The following PRKCSH variants were observed in gnomAD, a reference collection of about 807,000 sequenced individuals.
PRKCSH encodes PRKCSH beta subunit of glucosidase II, also known as glucosidase 2 subunit beta.
A neutral mutation model predicts 79.7 loss-of-function variants in PRKCSH; 42 were observed. The observed-to-expected ratio is 0.53, with a 90% CI of 0.41 to 0.68. PRKCSH has a LOEUF of 0.68. Among genes scored for constraint, PRKCSH ranks in the 30% least tolerant of loss-of-function variants. The pLI is 0.00. For synonymous variants in PRKCSH, 325 were observed against 288.2 expected, an observed-to-expected ratio of 1.13 and a Z score of -1.29; for missense variants, 686 against 709.0, an observed-to-expected ratio of 0.97 and a Z score of 0.37.
At chr19:11,442,934 C>CACTTGAGGTCAG (rs1970129918) in intron 7 of PRKCSH, among the ~76,000 whole-genome samples, 1 of 152,026 alleles carries the variant, frequency 6.6e-6, no homozygotes, top group African/African-American at 2.4e-5. Flanking sequence ...GAACTCCTGA[C>CACTTGAGGTCAG]CTCAAGTGAT....
Position 11,447,189 on chromosome 19 carries a change from G to A in PRKCSH, c.849+29G>A. The A allele has an allele frequency of 6.2e-7, 1 of 1,603,132 alleles. No homozygotes were observed. The highest frequency in any genetic ancestry group is 8.5e-7 in the Non-Finnish European group (1 of 1,170,650). On this transcript the variant is annotated intron_variant, in intron 10 of 17. Coordinates refer to ENST00000677123, the MANE Select transcript of PRKCSH (RefSeq NM_001289104.2). The surrounding 1 kb of genome is among the most constrained non-coding windows in gnomAD (Gnocchi z 5.6). ...AGTGGAGGAGAAGGGAGGGGACTTG[G>A]TCCTCCCACCACACTGCCCCCACCC...
At position 11,435,879 on chromosome 19, in the gene PRKCSH, A is replaced by G. The variant is rs566070192; in HGVS notation, c.-77-162A>G. The G allele has an allele frequency of 2.3e-4, 233 of 1,012,084 alleles. 2 individuals carry two copies. The South Asian group carries it at 3.2e-3, about 14-fold the overall frequency. 62.7% of individuals were successfully genotyped at this position (1,012,084 alleles called of 1,614,324 possible). On this transcript the variant is annotated intron_variant, in intron 1 of 17. Coordinates refer to ENST00000677123, the MANE Select transcript of PRKCSH (RefSeq NM_001289104.2). ...GTTTTGAGATCTTGAGATCCTCGCCATTGATTTGAGCAAAGTGAGACTGGC... is the reference window on the plus strand; with the variant it reads ...GTTTTGAGATCTTGAGATCCTCGCCGTTGATTTGAGCAAAGTGAGACTGGC...
intron 8 of PRKCSH, 31 bp downstream of exon 8, chr19:11,445,504 T>C (rs373062061): frequency 1.2e-6 from 2 of 1,601,466 alleles, no homozygotes; most frequent in Admixed American, 3.3e-5. Flanking sequence ...GCTGCCCACC[T>C]TTCCGTGGGC....
In PRKCSH at chr19:11,437,605, G is replaced by A. The variant is rs563467633; in HGVS notation, c.197-271G>A. Among the ~76,000 whole-genome samples the A allele has an allele frequency of 2.6e-5, 4 of 152,224 alleles. No individual in the cohort carries two copies. In the East Asian group the frequency reaches 5.8e-4, roughly 22 times the overall value. On this transcript the variant is annotated intron_variant, in intron 3 of 17. Transcript: ENST00000677123. Reference sequence around the variant, plus strand: ...TCACCTCAGGTGACCCACCCGCCTCGGCCTCCCAAAGTGCTGGGATTACAG... The same window carrying A: ...TCACCTCAGGTGACCCACCCGCCTCAGCCTCCCAAAGTGCTGGGATTACAG...
At chr19:11,441,444 C>A in intron 6 of PRKCSH, 87 bp downstream of exon 6, 2 of 1,252,750 alleles carry the variant, frequency 1.6e-6, no homozygotes, top group Non-Finnish European at 2.3e-6. Flanking sequence ...GGGGTTTGCC[C>A]CTGACTGCTG....
At position 11,449,743 on chromosome 19, in the gene PRKCSH, C is replaced by G. The variant is rs1055767048; in HGVS notation, c.*16+315C>G. 1.0e-5 allele frequency: 4 copies of G among 385,048 alleles called. No homozygotes were observed. In the East Asian group the frequency reaches 2.4e-4, roughly 23 times the overall value. 23.9% of individuals were successfully genotyped at this position (385,048 alleles called of 1,614,324 possible). ...AGAGATGGGGTTTCACCATGTTGGC[C>G]TGGATGGTCTCGAACTCCTGACCTC... On this transcript the variant is annotated intron_variant, in intron 17 of 17. Coordinates refer to ENST00000677123, the MANE Select transcript of PRKCSH (RefSeq NM_001289104.2). The surrounding 1 kb of genome is among the most constrained non-coding windows in gnomAD (Gnocchi z 6.4).
intron 7 of PRKCSH, among the ~76,000 whole-genome samples, chr19:11,444,807 A>G (rs1214936482): frequency 1.3e-5 from 2 of 151,522 alleles, no homozygotes; most frequent in East Asian, 3.9e-4. Context: ...CCCTCCCTGT[A>G]TCCTCCCCAT....
chr19:11,439,605 CTTTTTTTTTTTTTT>C (rs758607686), intron 5 of PRKCSH, among the ~76,000 whole-genome samples: 34 of 68,850 alleles, frequency 4.9e-4, no homozygotes, highest in Non-Finnish European at 7.9e-4. Context: ...TTTTTCTTTT[CTTTTTTTTTTTTTT>C]TTTTTTTTTT....
chr19:11,445,562 CT>C, intron 8 of PRKCSH, 89 bp downstream of exon 8: 1 of 1,320,986 alleles, frequency 7.6e-7, no homozygotes, highest in African/African-American at 1.4e-5. Flanking sequence ...CAGCCAGATC[CT>C]CCTTGGGTTC....
At position 11,449,558 on chromosome 19, in the gene PRKCSH, T is replaced by C; in HGVS notation, c.*16+130T>C. On this transcript the variant is annotated intron_variant, in intron 17 of 17. Coordinates refer to ENST00000677123, the MANE Select transcript of PRKCSH (RefSeq NM_001289104.2). The surrounding 1 kb of genome is among the most constrained non-coding windows in gnomAD (Gnocchi z 6.4). ...GTTCCCTGCTTTTTTGTTTTGTTTT[T>C]TTGAGGTGGAGTCTCACTCTTTGGC... The C allele has an allele frequency of 7.7e-7, 1 of 1,302,614 alleles. No individual in the cohort carries two copies. Among genetic ancestry groups the C allele is most frequent in the Non-Finnish European group, 1.1e-6 (1 of 942,448 alleles). 80.7% of individuals were successfully genotyped at this position (1,302,614 alleles called of 1,614,324 possible).
chr19:11,442,657 G>A (rs769826681), intron 7 of PRKCSH, 142 bp downstream of exon 7: 51 of 1,348,624 alleles, frequency 3.8e-5, no homozygotes, highest in Non-Finnish European at 4.8e-5. Context: ...TTTGAGGTTC[G>A]CTTGGATTGT....
At chr19:11,444,689 A>AGACAAAGGAGGGACTTTTGG (rs1459592190) in intron 7 of PRKCSH, among the ~76,000 whole-genome samples, 1 of 152,170 alleles carries the variant, frequency 6.6e-6, no homozygotes, top group Non-Finnish European at 1.5e-5. Flanking sequence ...GAGTAGCGAC[A>AGACAAAGGAGGGACTTTTGG]GACAAAGGAG....
rs1197561525 is a variant in PRKCSH, at chr19:11,437,940, C to T, written c.261C>T (p.Ile87=). ...ACACTGGCTATAAGCCCCTGTATAT[C>T]CCCTCCAACCGGGTCAACGATGGTG... ...CTNTGYKPLY[I]PSNRVNDGVC... The change falls in exon 4 of 18, where the codon ATC becomes ATT. Residue 87 remains isoleucine, a synonymous_variant. Transcript: ENST00000677123. 30 of 1,614,008 alleles carry T rather than the reference C, an allele frequency of 1.9e-5. No homozygotes were observed. In the Admixed American group the frequency reaches 4.7e-4, roughly 25 times the overall value.
At chr19:11,445,358 G>A (rs1474546875) in intron 7 of PRKCSH, 31 bp from the exon 8 acceptor site, 3 of 1,609,274 alleles carry the variant, frequency 1.9e-6, no homozygotes, top group Non-Finnish European at 2.5e-6. Flanking sequence ...CGGTGGGTGG[G>A]CAGGGGGTGA....
At position 11,445,312 on chromosome 19, in the gene PRKCSH, C is replaced by T. The variant is rs143625334; in HGVS notation, c.599-77C>T. On this transcript the variant is annotated intron_variant, in intron 7 of 17. Coordinates refer to ENST00000677123, the MANE Select transcript of PRKCSH (RefSeq NM_001289104.2). ...CAGGCATATAGTAGGCGCTTGGTGG[C>T]AAACGACCCTGTGGGGTGCGGGGGC... The T allele has an allele frequency of 3.7e-4, 538 of 1,456,864 alleles. 1 individual carries two copies. Among genetic ancestry groups the T allele is most frequent in the Middle Eastern group, 6.3e-4 (3 of 4,734 alleles). 90.2% of individuals were successfully genotyped at this position (1,456,864 alleles called of 1,614,324 possible). A position where few individuals can be genotyped will look rare whatever the true frequency, so the allele number is the denominator to read the frequency against.
At position 11,447,800 on chromosome 19, in the gene PRKCSH, G is replaced by T; in HGVS notation, c.1126+11G>T. The T allele has an allele frequency of 1.3e-6, 2 of 1,555,504 alleles. No individual in the cohort carries two copies. Among genetic ancestry groups the T allele is most frequent in the Non-Finnish European group, 1.7e-6 (2 of 1,151,090 alleles). ...AGGCCTTCATCGATGGTGAGGGTGGGCGGGGGCCAGGCTCCTCGGGTGGGC... is the reference window on the plus strand; with the variant it reads ...AGGCCTTCATCGATGGTGAGGGTGGTCGGGGGCCAGGCTCCTCGGGTGGGC... On this transcript the variant is annotated intron_variant, in intron 12 of 17. Transcript: ENST00000677123. This position sits in a 1 kb window ranked among gnomAD's most constrained non-coding sequence, Gnocchi z 5.6.
chr19:11,441,443 C>T, intron 6 of PRKCSH, 86 bp downstream of exon 6: 3 of 1,257,086 alleles, frequency 2.4e-6, no homozygotes, highest in Non-Finnish European at 3.5e-6. Context: ...AGGGGTTTGC[C>T]CCTGACTGCT....
chr19:11,445,569 G>A (rs1459548341), intron 8 of PRKCSH, 96 bp downstream of exon 8: 2 of 1,255,860 alleles, frequency 1.6e-6, no homozygotes, highest in African/African-American at 3.0e-5. Flanking sequence ...ATCCTCCTTG[G>A]GTTCCCCCGG....
chr19:11,436,010 C>T (rs1969707244), intron 1 of PRKCSH, 31 bp from the exon 2 acceptor site: 1 of 1,460,698 alleles, frequency 6.8e-7, no homozygotes, highest in East Asian at 2.3e-5. Flanking sequence ...TAGCCCTCTC[C>T]CACTGACCGG....
Sources: gnomAD v4.1 joint callset for allele counts (sites outside exome capture counted in the v4.1 genomes callset) on GRCh38, gnomAD v4.1.1 for gene constraint, Gnocchi (gnomAD v3.1) non-coding constraint, MANE v1.5 for transcripts, NCBI Gene and HGNC (gene_info 2026-07-23, HGNC 2026-07-21) for gene names.